The following NDRG1 variants were observed in gnomAD, a reference collection of about 807,000 sequenced individuals.
NDRG1 encodes N-myc downstream regulated 1, also known as protein NDRG1.
NDRG1 carries 32 observed loss-of-function variants against 56.9 expected under a neutral mutation model. The observed-to-expected ratio is 0.56, with a 90% confidence interval of 0.42 to 0.76. The LOEUF (loss-of-function observed/expected upper bound fraction) is 0.76. Among genes scored for constraint, NDRG1 ranks in the 30% least tolerant of loss-of-function variants. NDRG1 has a pLI of 0.00. For synonymous variants in NDRG1, 211 were observed against 204.1 expected (o/e 1.03, Z -0.29); for missense variants, 507 against 545.7 (o/e 0.93, Z 0.71).
chr8:133,245,186 G>C (rs897921571), intron 13 of NDRG1, among the ~76,000 whole-genome samples: 7 of 152,150 alleles, frequency 4.6e-5, no homozygotes, highest in Non-Finnish European at 1.0e-4. Flanking sequence ...CTCCAGGCGG[G>C]GCACTCAGCA....
intron 2 of NDRG1, among the ~76,000 whole-genome samples, chr8:133,283,223 A>G (rs905558364): frequency 2.0e-5 from 3 of 152,276 alleles, no homozygotes; most frequent in Non-Finnish European, 4.4e-5. Context: ...TGGGACCTGC[A>G]TGAACCAAAG....
intron 13 of NDRG1, chr8:133,244,598 G>A (rs558928975): frequency 1.4e-5 from 9 of 650,424 alleles, no homozygotes; most frequent in Non-Finnish European, 1.9e-5. Flanking sequence ...ACCATCACTT[G>A]CAGCTTGCTA....
At chr8:133,259,143 G>C in intron 6 of NDRG1, 25 bp downstream of exon 6, 1 of 1,611,676 alleles carries the variant, frequency 6.2e-7, no homozygotes, top group South Asian at 1.1e-5. Context: ...TGCAGACAGA[G>C]AAGGAGCTGA....
intron 1 of NDRG1, chr8:133,296,736 CCTAG>C (rs2130824253): frequency 3.6e-6 from 1 of 281,678 alleles, no homozygotes; most frequent in Non-Finnish European, 7.4e-6. Context: ...CACACACTCA[CCTAG>C]TCCCTTCTGC....
intron 14 of NDRG1, among the ~76,000 whole-genome samples, chr8:133,243,032 T>C (rs973211098): frequency 3.3e-5 from 5 of 152,204 alleles, no homozygotes; most frequent in East Asian, 1.9e-4. Context: ...ATCAAGGGCA[T>C]ACGTGCAAGG....
chr8:133,266,097 A>G (rs1176730371), intron 3 of NDRG1, among the ~76,000 whole-genome samples: 4 of 152,212 alleles, frequency 2.6e-5, no homozygotes, highest in African/African-American at 9.7e-5. Flanking sequence ...GCCCTGCCAG[A>G]GCCATGTGAC....
At chr8:133,266,071 C>T (rs74926403) in intron 3 of NDRG1, among the ~76,000 whole-genome samples, 53 of 152,352 alleles carry the variant, frequency 3.5e-4, no homozygotes, top group African/African-American at 1.3e-3. Flanking sequence ...CCCTCCATGT[C>T]CTCACCCTCA....
At chr8:133,284,108 G>A in intron 2 of NDRG1, 141 bp downstream of exon 2, 8 of 765,634 alleles carry the variant, frequency 1.0e-5, no homozygotes, top group Non-Finnish European at 1.6e-5. Flanking sequence ...CAGCATGTTT[G>A]TATGCCGTGT....
chr8:133,264,027 T>C (rs1329433462), intron 4 of NDRG1, among the ~76,000 whole-genome samples: 4 of 151,810 alleles, frequency 2.6e-5, no homozygotes, highest in African/African-American at 9.7e-5. Flanking sequence ...AATACAAATA[T>C]TAATGCATGG....
At chr8:133,244,057 C>T (rs1181269898) in intron 14 of NDRG1, among the ~76,000 whole-genome samples, 1 of 152,186 alleles carries the variant, frequency 6.6e-6, no homozygotes, top group African/African-American at 2.4e-5. Flanking sequence ...TGCGGCCCTT[C>T]ACTCCAGCAG....
chr8:133,242,983 C>T (rs1855468888), intron 14 of NDRG1, among the ~76,000 whole-genome samples: 1 of 152,180 alleles, frequency 6.6e-6, no homozygotes, highest in Non-Finnish European at 1.5e-5. Flanking sequence ...CCAGTTCTCT[C>T]AGTTCATTTA....
intron 1 of NDRG1, chr8:133,296,383 C>T (rs1858760938): frequency 2.3e-6 from 1 of 430,960 alleles, no homozygotes; most frequent in African/African-American, 2.0e-5. Flanking sequence ...GCCGATGCGC[C>T]AATCCCGGGT....
At chr8:133,273,903 C>A (rs184324273) in intron 3 of NDRG1, among the ~76,000 whole-genome samples, 2 of 152,220 alleles carry the variant, frequency 1.3e-5, no homozygotes, top group Admixed American at 1.3e-4. Context: ...TACTCCCCCC[C>A]TCCCTACTCA....
chr8:133,268,545 T>G (rs942259662), intron 3 of NDRG1, among the ~76,000 whole-genome samples: 1 of 152,092 alleles, frequency 6.6e-6, no homozygotes, highest in Non-Finnish European at 1.5e-5. Context: ...TTCCCAGGCA[T>G]AGGTGAGCAG....
intron 9 of NDRG1, among the ~76,000 whole-genome samples, chr8:133,254,294 C>T (rs1252228810): frequency 1.3e-5 from 2 of 152,182 alleles, no homozygotes; most frequent in South Asian, 2.1e-4. Context: ...GTCAATTGTA[C>T]ACTTTAAATA....
At chr8:133,253,519 T>TG (rs1856189155) in intron 9 of NDRG1, among the ~76,000 whole-genome samples, 2 of 152,210 alleles carry the variant, frequency 1.3e-5, no homozygotes, top group South Asian at 4.1e-4. Context: ...TTAACACTTG[T>TG]GAAGCTCTTA....
rs1272669552 is a variant in NDRG1, at chr8:133,246,628, G to A, written c.843C>T (p.Thr281=). The A allele has an allele frequency of 4.3e-6, 7 of 1,614,038 alleles. No homozygotes were observed. The highest frequency in any genetic ancestry group is 1.3e-5 in the African/African-American group (1 of 74,918). ...ECNSKLDPTK[T]TLLKMADCGG... is the part of the protein sequence containing the mutation. ...GTTTTCCCTGTACCTTGAGGAGAGT[G>A]GTCTTTGTTGGGTCCAATTTTGAGT... Residue 281 remains threonine, a synonymous_variant, in exon 13 of 16, where the codon ACC becomes ACT. Coordinates refer to ENST00000323851, the MANE Select transcript of NDRG1 (RefSeq NM_006096.4).
At chr8:133,246,325 G>A (rs1855676974) in intron 13 of NDRG1, among the ~76,000 whole-genome samples, 1 of 152,124 alleles carries the variant, frequency 6.6e-6, no homozygotes, top group South Asian at 2.1e-4. Context: ...GAATGTCCTG[G>A]CCCCAGCCTA....
intron 3 of NDRG1, among the ~76,000 whole-genome samples, chr8:133,272,545 C>T (rs1857247562): frequency 1.3e-5 from 2 of 152,202 alleles, no homozygotes; most frequent in Admixed American, 6.5e-5. Context: ...CTTTCTGGGA[C>T]ACCAGGAGAT....
Sources: gnomAD v4.1 joint callset for allele counts (sites outside exome capture counted in the v4.1 genomes callset) on GRCh38, gnomAD v4.1.1 for gene constraint, MANE v1.5 for transcripts, NCBI Gene and HGNC (gene_info 2026-07-23, HGNC 2026-07-21) for gene names.